VAV3: variants seen among roughly 807,000 people sequenced by gnomAD.
VAV3 encodes guanine nucleotide exchange factor VAV3.
In VAV3, 94 loss-of-function variants were observed where a neutral mutation model predicts 131.2. The ratio of observed to expected loss-of-function variants is 0.72; its 90% CI spans 0.61 to 0.85. The LOEUF is 0.85. VAV3 is among the 40% of genes least tolerant of loss of function. The pLI is 0.00. For missense variants in VAV3, 939 were observed against 1,002.7 expected, an observed-to-expected ratio of 0.94 and a Z score of 0.86; for synonymous variants, 349 against 342.0, an observed-to-expected ratio of 1.02 and a Z score of -0.22.
In VAV3 at chr1:107,900,797, T is replaced by C. The variant is rs545036013; in HGVS notation, c.205-25780A>G. ...ATAGGGACTTTGTGGTCTCTGAACT[T>C]AACAGACATATCTTATACAAAACTA... On this transcript the variant is annotated intron_variant, in intron 1 of 26. Coordinates refer to ENST00000370056, the MANE Select transcript of VAV3 (RefSeq NM_006113.5). Among the ~76,000 whole-genome samples, 78 of 152,052 alleles carry C rather than the reference T, an allele frequency of 5.1e-4. No individual in the cohort carries two copies. In the South Asian group the frequency reaches 0.016, roughly 30 times the overall value.
chr1:107,633,653 A>ATGGTGTATATCTG (rs1654682209), intron 20 of VAV3, among the ~76,000 whole-genome samples: 1 of 152,072 alleles, frequency 6.6e-6, no homozygotes, highest in Non-Finnish European at 1.5e-5. Context: ...TCTTGCTTTA[A>ATGGTGTATATCTG]CCAAAAAAAA....
chr1:107,601,733 C>A (rs1651879192), intron 24 of VAV3, among the ~76,000 whole-genome samples: 2 of 152,102 alleles, frequency 1.3e-5, no homozygotes, highest in African/African-American at 4.8e-5. Flanking sequence ...AAATGACATA[C>A]ACAAAATATT....
At chr1:107,627,275 A>C (rs1013781162) in intron 20 of VAV3, among the ~76,000 whole-genome samples, 4 of 152,166 alleles carry the variant, frequency 2.6e-5, no homozygotes, top group Admixed American at 6.5e-5. Context: ...TTCCTCAATC[A>C]AACCTGCTCT....
chr1:107,767,051 G>T (rs185873232), intron 7 of VAV3, among the ~76,000 whole-genome samples: 1 of 152,180 alleles, frequency 6.6e-6, no homozygotes, highest in East Asian at 1.9e-4. Context: ...TTATTGACAG[G>T]ATAAAATAAT....
rs370323788 is a variant in VAV3 at position 107,709,414 on chromosome 1, TAA to T, written c.1503-4355_1503-4354del. ...AAAGATGGAAGAAGTAAAGGAAAGA[TAA>T]GAGACATTTTTATTAAGCCAAAAAA... On this transcript the variant is annotated intron_variant, in intron 15 of 26. Transcript: ENST00000370056. Among the ~76,000 whole-genome samples, 451 of 152,292 alleles carry T rather than the reference TAA, an allele frequency of 3.0e-3. 4 individuals carry two copies. The highest frequency in any genetic ancestry group is 0.01 in the African/African-American group (424 of 41,544).
In VAV3 at chr1:107,824,730, G is replaced by T. The variant is rs530656207; in HGVS notation, c.322-45238C>A. On this transcript the variant is annotated intron_variant, in intron 2 of 26. Coordinates refer to ENST00000370056, the MANE Select transcript of VAV3 (RefSeq NM_006113.5). Reference sequence around the variant, plus strand: ...TATATTAATTGTAAAAGGTAGTATGGCTCAACTATAAACATATATAATGTA... The same window carrying T: ...TATATTAATTGTAAAAGGTAGTATGTCTCAACTATAAACATATATAATGTA... Among the ~76,000 whole-genome samples the T allele has an allele frequency of 7.0e-4, 106 of 152,112 alleles. 1 individual carries two copies. The highest frequency in any genetic ancestry group is 2.3e-3 in the African/African-American group (94 of 41,512).
At chr1:107,703,651 C>A (rs1660269217) in intron 17 of VAV3, among the ~76,000 whole-genome samples, 1 of 152,214 alleles carries the variant, frequency 6.6e-6, no homozygotes, top group Admixed American at 6.5e-5. Flanking sequence ...CCGAAATGAG[C>A]TATTCTCTGT....
chr1:107,961,039 A>C (rs1325525669), intron 1 of VAV3, among the ~76,000 whole-genome samples: 1 of 152,090 alleles, frequency 6.6e-6, no homozygotes, highest in South Asian at 2.1e-4. Flanking sequence ...GACTTTGTTG[A>C]GTTTGTCCAA....
intron 20 of VAV3, among the ~76,000 whole-genome samples, chr1:107,620,993 A>T (rs549880920): frequency 6.6e-6 from 1 of 152,218 alleles, no homozygotes; most frequent in African/African-American, 2.4e-5. Context: ...ACCTTTTGAG[A>T]GTAAATGGGT....
At chr1:107,702,691 C>T (rs529822947) in intron 17 of VAV3, among the ~76,000 whole-genome samples, 2 of 152,156 alleles carry the variant, frequency 1.3e-5, no homozygotes, top group South Asian at 2.1e-4. Context: ...CCTTTTAATG[C>T]CATACTTGCG....
chr1:107,707,304 A>T (rs2101859915), intron 15 of VAV3, among the ~76,000 whole-genome samples: 1 of 152,346 alleles, frequency 6.6e-6, no homozygotes, highest in East Asian at 1.9e-4. Context: ...TAAGGACAGG[A>T]ATCTGAAACT....
chr1:107,826,821 G>C (rs991775421), intron 2 of VAV3, among the ~76,000 whole-genome samples: 1 of 152,074 alleles, frequency 6.6e-6, no homozygotes, highest in African/African-American at 2.4e-5. Context: ...TTAATGTAAA[G>C]AAAGAAACAA....
chr1:107,752,780 T>C (rs1663815249), intron 12 of VAV3, among the ~76,000 whole-genome samples: 1 of 152,206 alleles, frequency 6.6e-6, no homozygotes, highest in African/African-American at 2.4e-5. Context: ...AGATGGCTGT[T>C]ACCCAAACAA....
intron 1 of VAV3, among the ~76,000 whole-genome samples, chr1:107,924,032 A>G (rs1213493391): frequency 2.6e-5 from 4 of 152,150 alleles, no homozygotes; most frequent in Non-Finnish European, 5.9e-5. Flanking sequence ...ATAGCAGCCC[A>G]AATCAACCAA....
intron 2 of VAV3, among the ~76,000 whole-genome samples, chr1:107,838,396 G>A (rs926534978): frequency 6.6e-6 from 1 of 152,106 alleles, no homozygotes; most frequent in Admixed American, 6.5e-5. Context: ...ACCAGAATGA[G>A]ATACAAACTC....
intron 2 of VAV3, among the ~76,000 whole-genome samples, chr1:107,835,301 T>C (rs971586233): frequency 2.0e-5 from 3 of 152,132 alleles, no homozygotes; most frequent in African/African-American, 7.2e-5. Flanking sequence ...GCACTATGGC[T>C]ACCCTAGCAC....
chr1:107,797,870 C>T lies in VAV3; in HGVS notation c.322-18378G>A, dbSNP rs113840468. ...TTTGTTAAAATAGATTGCTGGGCTT[C>T]ACCACCACAAGATTTTCCAACTCAG... is the stretch of plus-strand genomic sequence containing the variant. On this transcript the variant is annotated intron_variant, in intron 2 of 26. Transcript: ENST00000370056. 2.0e-3 allele frequency among the ~76,000 whole-genome samples: 310 copies of T among 152,292 alleles called. 3 individuals carry two copies. The highest frequency in any genetic ancestry group is 7.2e-3 in the African/African-American group (298 of 41,570).
At chr1:107,761,190 C>G (rs1431051788) in intron 9 of VAV3, among the ~76,000 whole-genome samples, 1 of 152,042 alleles carries the variant, frequency 6.6e-6, no homozygotes, top group African/African-American at 2.4e-5. Flanking sequence ...GAGATCAAGA[C>G]CATCCTGGCT....
chr1:107,583,437 G>C (rs1375612524), intron 25 of VAV3, among the ~76,000 whole-genome samples: 1 of 152,064 alleles, frequency 6.6e-6, no homozygotes, highest in African/African-American at 2.4e-5. Context: ...GGAAATAAAG[G>C]GTATTCAGTT....
Sources: gnomAD v4.1 joint callset for allele counts (sites outside exome capture counted in the v4.1 genomes callset) on GRCh38, gnomAD v4.1.1 for gene constraint, MANE v1.5 for transcripts, NCBI Gene and HGNC (gene_info 2026-07-23, HGNC 2026-07-21) for gene names.